The following CFAP74 variants were observed in gnomAD, a reference collection of about 807,000 sequenced individuals.
CFAP74 encodes the protein cilia and flagella associated protein 74, also known as cilia- and flagella-associated protein 74.
Under a neutral mutation model 188.9 loss-of-function variants are expected in CFAP74, and 124 were observed. The ratio of observed to expected loss-of-function variants is 0.66; its 90% CI spans 0.57 to 0.76. CFAP74 has a LOEUF of 0.76. Ranked by LOEUF, CFAP74 falls within the 30% of genes least tolerant of loss-of-function variation. The pLI, the probability that CFAP74 is intolerant of heterozygous loss-of-function variation, is 0.00. For synonymous variants in CFAP74, 956 were observed against 916.7 expected (o/e 1.04, Z -0.77); for missense variants, 2,198 against 2,165.2 (o/e 1.02, Z -0.30).
rs565807041 is a variant in CFAP74, at chr1:1,930,377, G to A, written c.3012-41C>T. The A allele has an allele frequency of 1.4e-3, 2,019 of 1,477,850 alleles. 9 individuals are homozygous for A. The African/African-American group carries it at 0.014, about 10-fold the overall frequency. The allele number at this position is 1,477,850 out of a possible 1,614,324, so 91.5% of individuals were successfully genotyped here. ...TGGGAGGCCCTCAGCCGTGCAGGGC[G>A]TCCGTGTCCCTCTGCGGCAGGCGCG... On this transcript the variant is annotated intron_variant, in intron 25 of 38. Coordinates refer to ENST00000682832, the MANE Select transcript of CFAP74 (RefSeq NM_001304360.2).
chr1:1,980,696 C>T (rs960995128), intron 6 of CFAP74, among the ~76,000 whole-genome samples: 1 of 152,210 alleles, frequency 6.6e-6, no homozygotes, highest in African/African-American at 2.4e-5. Context: ...GGGAGAGCTG[C>T]GGGTGAGACA....
At chr1:1,972,571 T>C (rs887438579) in intron 8 of CFAP74, among the ~76,000 whole-genome samples, 1 of 152,224 alleles carries the variant, frequency 6.6e-6, no homozygotes, top group Non-Finnish European at 1.5e-5. Flanking sequence ...GGAGGCTGGG[T>C]GCAGTGGCTC....
Position 1,927,927 on chromosome 1 carries a change from C to A in CFAP74, c.3388-181G>T, listed in dbSNP as rs1652046931. 8.0e-6 allele frequency: 5 copies of A among 624,478 alleles called. No individual in the cohort carries two copies. The Admixed American group carries it at 1.2e-4, about 15-fold the overall frequency. The allele number at this position is 624,478 out of a possible 1,614,324, so 38.7% of individuals were successfully genotyped here. On this transcript the variant is annotated intron_variant, in intron 27 of 38. Transcript: ENST00000682832. ...TAGCCAGTGCGGAGGGGCACACAGACCCCCACAGAGCTGCTCACAGACTGT... is the reference window on the plus strand; with the variant it reads ...TAGCCAGTGCGGAGGGGCACACAGAACCCCACAGAGCTGCTCACAGACTGT...
chr1:1,988,471 C>A (rs1657375128), intron 4 of CFAP74, 41 bp downstream of exon 4: 8 of 1,603,334 alleles, frequency 5.0e-6, no homozygotes, highest in Non-Finnish European at 6.8e-6. Context: ...GCCTGGGGGG[C>A]ATCAAGAGGT....
intron 1 of CFAP74, among the ~76,000 whole-genome samples, chr1:1,993,733 A>C (rs1425681314): frequency 6.6e-6 from 1 of 152,140 alleles, no homozygotes; most frequent in Non-Finnish European, 1.5e-5. Flanking sequence ...CTGCAATCCC[A>C]GCACTTTGGG....
chr1:1,937,937 C>A (rs1409624725), intron 25 of CFAP74, among the ~76,000 whole-genome samples: 2 of 148,850 alleles, frequency 1.3e-5, no homozygotes, highest in African/African-American at 5.0e-5. Context: ...CACACAGTCT[C>A]ACATAAACGC....
intron 18 of CFAP74, chr1:1,954,101 C>A (rs535022394): frequency 6.6e-6 from 1 of 152,332 alleles, no homozygotes; most frequent in Admixed American, 6.5e-5. Context: ...GGGAAAGACA[C>A]GCAATCTCAC....
At chr1:1,981,268 C>T (rs945002153) in intron 6 of CFAP74, among the ~76,000 whole-genome samples, 10 of 152,210 alleles carry the variant, frequency 6.6e-5, no homozygotes, top group Admixed American at 6.5e-4. Context: ...CCGCAGTGCC[C>T]AGAGACGACA....
In CFAP74 at chr1:1,935,400, CTG is replaced by C. The variant is rs1652817132; in HGVS notation, c.3011+3453_3011+3454del. On this transcript the variant is annotated intron_variant, in intron 25 of 38. Transcript: ENST00000682832. Reference sequence around the variant, plus strand: ...GGTGTTAGGTTATAGGTACACACGTCTGTATGTGTGGGTGTTAGGTTGTAGGT... The same window carrying C: ...GGTGTTAGGTTATAGGTACACACGTCTATGTGTGGGTGTTAGGTTGTAGGT... Among the ~76,000 whole-genome samples, 3 of 59,126 alleles carry C rather than the reference CTG, an allele frequency of 5.1e-5. 1 individual carries two copies. The highest frequency in any genetic ancestry group is 1.9e-4 in the African/African-American group (3 of 15,556). The allele number at this position is 59,126 out of a possible 152,430, so 38.8% of individuals were successfully genotyped here.
Position 1,986,921 on chromosome 1 carries a change from G to C in CFAP74, c.395+16C>G. ...CCTCATGCCCGGTTCCCTGCCCCCTGGCGAGGGCCACCTACATGTTGCCCG... is the reference window on the plus strand; with the variant it reads ...CCTCATGCCCGGTTCCCTGCCCCCTCGCGAGGGCCACCTACATGTTGCCCG... On this transcript the variant is annotated intron_variant, in intron 5 of 38. Coordinates refer to ENST00000682832, the MANE Select transcript of CFAP74 (RefSeq NM_001304360.2). 1 of 1,596,138 alleles carries C rather than the reference G, an allele frequency of 6.3e-7. No homozygotes were observed. Among genetic ancestry groups the C allele is most frequent in the East Asian group, 2.2e-5 (1 of 44,778 alleles).
At chr1:1,964,087 A>G (rs1271926309) in intron 13 of CFAP74, among the ~76,000 whole-genome samples, 2 of 152,236 alleles carry the variant, frequency 1.3e-5, no homozygotes, top group East Asian at 1.9e-4. Flanking sequence ...AGCCTTCGCC[A>G]CTTGAGGCAG....
Position 1,922,677 on chromosome 1 carries a change from C to A in CFAP74, c.4730G>T (p.Gly1577Val), listed in dbSNP as rs1651477343. Reference sequence around the variant, plus strand: ...GCCCCTGGAGGGCTCAATAGAGAAACCCTTGTGCTGCAGGGATGCGACGCT... The same window carrying A: ...GCCCCTGGAGGGCTCAATAGAGAAAACCTTGTGCTGCAGGGATGCGACGCT... ...IDSVASLQHKGFSIEPSRGSV... is the reference protein window; with the variant it reads ...IDSVASLQHKVFSIEPSRGSV... Residue 1577 changes from glycine (G) to valine (V), a missense_variant, in exon 38 of 39, where the codon GGT becomes GTT. By Grantham distance (109) the Gly-to-Val change is moderately radical. Coordinates refer to ENST00000682832, the MANE Select transcript of CFAP74 (RefSeq NM_001304360.2). 1.9e-6 allele frequency: 3 copies of A among 1,601,086 alleles called. No individual in the cohort carries two copies. Among genetic ancestry groups the A allele is most frequent in the Non-Finnish European group, 2.6e-6 (3 of 1,172,792 alleles).
chr1:2,003,181 T>G (rs151220864), intron 1 of CFAP74, among the ~76,000 whole-genome samples: 1 of 152,324 alleles, frequency 6.6e-6, no homozygotes, highest in African/African-American at 2.4e-5. Context: ...ACCATCGTTA[T>G]GCAGAGAATA....
intron 27 of CFAP74, chr1:1,928,010 G>A (rs1164169129): frequency 4.6e-5 from 23 of 495,696 alleles, no homozygotes; most frequent in Admixed American, 1.0e-4. Flanking sequence ...GGCCAGAACC[G>A]GGGTCCCCAC....
chr1:1,974,153 G>T lies in CFAP74; in HGVS notation c.546C>A (p.Ala182=). The T allele has an allele frequency of 6.2e-7, 1 of 1,611,682 alleles. No individual in the cohort carries two copies. The highest frequency in any genetic ancestry group is 8.5e-7 in the Non-Finnish European group (1 of 1,178,822). The part of the protein sequence containing the change: ...HIEIQEGRLE[A]FRTADREEVE... ...CCTCCTCACGGTCAGCTGTCCGGAAGGCCTCGAGTCGCCCCTCCTGGATCT... is the reference window on the plus strand; with the variant it reads ...CCTCCTCACGGTCAGCTGTCCGGAATGCCTCGAGTCGCCCCTCCTGGATCT... Residue 182 remains alanine (A), a synonymous_variant, in exon 7 of 39, where the codon GCC becomes GCA. Coordinates refer to ENST00000682832, the MANE Select transcript of CFAP74 (RefSeq NM_001304360.2).
chr1:1,993,016 C>T (rs1570993218), intron 1 of CFAP74, among the ~76,000 whole-genome samples: 1 of 151,214 alleles, frequency 6.6e-6, no homozygotes, highest in East Asian at 2.0e-4. Flanking sequence ...GCCTGGCCAG[C>T]ATGGTGAAAC....
At chr1:1,966,658 G>T in intron 11 of CFAP74, 132 bp from the exon 12 acceptor site, 1 of 680,620 alleles carries the variant, frequency 1.5e-6, no homozygotes, top group Non-Finnish European at 2.1e-6. Flanking sequence ...TCTGCATGGA[G>T]ATAGCGGTGC....
chr1:1,952,578 A>C (rs957998661), intron 18 of CFAP74, among the ~76,000 whole-genome samples: 1 of 142,404 alleles, frequency 7.0e-6, no homozygotes, highest in African/African-American at 2.8e-5. Flanking sequence ...GAAAGAGAGA[A>C]AGAAGCAAAG....
chr1:1,939,633 C>T lies in CFAP74; in HGVS notation c.2838G>A (p.Ser946=), dbSNP rs1279985790. 1.6e-5 allele frequency: 25 copies of T among 1,535,906 alleles called. No homozygotes were observed. The highest frequency in any genetic ancestry group is 7.8e-5 in the Admixed American group (4 of 50,976). Residue 946 remains serine, a synonymous_variant, in exon 24 of 39, where the codon TCG becomes TCA. Coordinates refer to ENST00000682832, the MANE Select transcript of CFAP74 (RefSeq NM_001304360.2). ...IRTEISLHNH[S]LLPQEFGFVR... The stretch of plus-strand genomic sequence containing the variant: ...CGAACCCGAACTCCTGGGGCAGGAG[C>T]GAGTGGTTGTGGAGGCTGATTTCCG...
Sources: gnomAD v4.1 joint callset for allele counts (sites outside exome capture counted in the v4.1 genomes callset) on GRCh38, gnomAD v4.1.1 for gene constraint, MANE v1.5 for transcripts, NCBI Gene and HGNC (gene_info 2026-07-23, HGNC 2026-07-21) for gene names.